The following DGKB variants were observed in gnomAD, a reference collection of about 807,000 sequenced individuals.
The protein encoded by DGKB is 90 kDa diacylglycerol kinase.
DGKB carries 67 observed loss-of-function variants against 114.3 expected under a neutral mutation model. The ratio of observed to expected loss-of-function variants is 0.59; its 90% CI spans 0.48 to 0.72. DGKB has a LOEUF of 0.72. DGKB is among the 30% of genes least tolerant of loss of function. The pLI, the probability that DGKB is intolerant of heterozygous loss-of-function variation, is 0.00. For synonymous variants in DGKB, 398 were observed against 323.1 expected, an observed-to-expected ratio of 1.23 and a Z score of -2.49; for missense variants, 907 against 975.2, an observed-to-expected ratio of 0.93 and a Z score of 0.93.
intron 23 of DGKB, among the ~76,000 whole-genome samples, chr7:14,293,001 T>C (rs1297772480): frequency 6.6e-6 from 1 of 152,152 alleles, no homozygotes; most frequent in Non-Finnish European, 1.5e-5. Context: ...TTACTGCCTG[T>C]AAATCATTCT....
At chr7:14,849,660 A>G (rs1849088161) in intron 1 of DGKB, among the ~76,000 whole-genome samples, 1 of 152,168 alleles carries the variant, frequency 6.6e-6, no homozygotes, top group South Asian at 2.1e-4. Flanking sequence ...AACAGGACAC[A>G]TTTCTTTTTG....
intron 20 of DGKB, among the ~76,000 whole-genome samples, chr7:14,522,356 T>C (rs781720645): frequency 1.5e-4 from 23 of 152,156 alleles, no homozygotes; most frequent in Non-Finnish European, 2.6e-4. Flanking sequence ...CTGAGATATA[T>C]GCGGCGTTTA....
chr7:14,913,443 T>C (rs2128244454), intron 1 of DGKB, among the ~76,000 whole-genome samples: 1 of 150,418 alleles, frequency 6.6e-6, no homozygotes, highest in South Asian at 2.1e-4. Context: ...TCATAATATT[T>C]ATTACCTTTG....
chr7:14,273,511 A>C (rs1158933906), intron 23 of DGKB, among the ~76,000 whole-genome samples: 1 of 152,236 alleles, frequency 6.6e-6, no homozygotes, highest in Non-Finnish European at 1.5e-5. Context: ...GTCAGAGCCA[A>C]GATATTTATA....
chr7:14,481,578 T>C (rs893253866), intron 20 of DGKB, among the ~76,000 whole-genome samples: 4 of 152,000 alleles, frequency 2.6e-5, no homozygotes, highest in Non-Finnish European at 5.9e-5. Context: ...TAAATATCTT[T>C]TCAATTTTTT....
At chr7:14,476,431 G>T (rs936353983) in intron 21 of DGKB, among the ~76,000 whole-genome samples, 3 of 151,964 alleles carry the variant, frequency 2.0e-5, no homozygotes, top group Non-Finnish European at 4.4e-5. Flanking sequence ...ATTTTAATTA[G>T]ATTACTTTGA....
chr7:14,320,447 C>T (rs951847193), intron 23 of DGKB, among the ~76,000 whole-genome samples: 1 of 152,168 alleles, frequency 6.6e-6, no homozygotes, highest in African/African-American at 2.4e-5. Context: ...CCTTGCTCCA[C>T]AGCCTTAGAC....
chr7:14,828,907 G>A (rs1562648458), intron 2 of DGKB, among the ~76,000 whole-genome samples: 1 of 152,122 alleles, frequency 6.6e-6, no homozygotes, highest in African/African-American at 2.4e-5. Context: ...AGCCCCTGAA[G>A]TTGCCAGAGG....
intron 20 of DGKB, among the ~76,000 whole-genome samples, chr7:14,568,236 G>T (rs1299141683): frequency 6.6e-6 from 1 of 152,082 alleles, no homozygotes; most frequent in Non-Finnish European, 1.5e-5. Context: ...TTTATTGATG[G>T]ACCATCACTG....
chr7:14,634,961 T>G (rs1391234148), intron 13 of DGKB, among the ~76,000 whole-genome samples: 2 of 151,606 alleles, frequency 1.3e-5, no homozygotes, highest in African/African-American at 4.8e-5. Context: ...TAGTAAGAGA[T>G]TATTTCAGTC....
chr7:14,478,681 G>C (rs1381583632), intron 20 of DGKB, among the ~76,000 whole-genome samples: 1 of 152,038 alleles, frequency 6.6e-6, no homozygotes, highest in East Asian at 1.9e-4. Flanking sequence ...AGGATGGTGT[G>C]AGTGTGCATG....
chr7:14,784,019 T>C (rs1839497010), intron 2 of DGKB, among the ~76,000 whole-genome samples: 1 of 152,206 alleles, frequency 6.6e-6, no homozygotes, highest in Non-Finnish European at 1.5e-5. Context: ...TATTCAATAT[T>C]GAATTTTGAA....
Position 14,682,539 on chromosome 7 carries a change from CA to C in DGKB, c.1035+13del. The C allele has an allele frequency of 6.3e-7, 1 of 1,583,514 alleles. No homozygotes were observed. The highest frequency in any genetic ancestry group is 8.7e-7 in the Non-Finnish European group (1 of 1,153,124). Reference sequence around the variant, plus strand: ...TGGGTGAATGCTGGGATTTGTTTTCCAATTTTTACTCACTGTGATCTGACAC... The same window carrying C: ...TGGGTGAATGCTGGGATTTGTTTTCCATTTTTACTCACTGTGATCTGACAC... On this transcript the variant is annotated intron_variant, in intron 12 of 25. Transcript: ENST00000402815.
At chr7:14,495,474 T>C (rs1216783934) in intron 20 of DGKB, among the ~76,000 whole-genome samples, 1 of 151,860 alleles carries the variant, frequency 6.6e-6, no homozygotes, top group Non-Finnish European at 1.5e-5. Context: ...AGGCTTATAG[T>C]CTTTTGAAAG....
At chr7:14,573,196 A>G (rs1798640517) in intron 20 of DGKB, among the ~76,000 whole-genome samples, 1 of 152,062 alleles carries the variant, frequency 6.6e-6, no homozygotes, top group African/African-American at 2.4e-5. Flanking sequence ...GACACATTGC[A>G]TTTTTCTTTC....
intron 20 of DGKB, among the ~76,000 whole-genome samples, chr7:14,564,084 A>G (rs1047352033): frequency 1.6e-4 from 25 of 152,122 alleles, no homozygotes; most frequent in African/African-American, 5.3e-4. Context: ...GCTACTTTTT[A>G]TTTAAGCAGG....
intron 2 of DGKB, among the ~76,000 whole-genome samples, chr7:14,807,561 C>CA (rs1309884321): frequency 6.6e-6 from 1 of 151,844 alleles, no homozygotes; most frequent in African/African-American, 2.4e-5. Context: ...ACTATGGTGT[C>CA]AAATCATATT....
chr7:14,621,322 G>A (rs1807600426), intron 15 of DGKB, 56 bp downstream of exon 15: 2 of 1,032,380 alleles, frequency 1.9e-6, no homozygotes, highest in South Asian at 1.4e-5. Flanking sequence ...TGCCCCTTTA[G>A]AGCCTAGAAG....
intron 5 of DGKB, among the ~76,000 whole-genome samples, chr7:14,719,111 C>G (rs544262278): frequency 4.1e-4 from 62 of 152,290 alleles, no homozygotes; most frequent in African/African-American, 1.4e-3. Context: ...TATAATTTCT[C>G]TATTCATAAT....
Sources: gnomAD v4.1 joint callset for allele counts (sites outside exome capture counted in the v4.1 genomes callset) on GRCh38, gnomAD v4.1.1 for gene constraint, MANE v1.5 for transcripts, NCBI Gene and HGNC (gene_info 2026-07-23, HGNC 2026-07-21) for gene names.